PRC1: variants seen among roughly 807,000 people sequenced by gnomAD.
PRC1 encodes the protein anaphase spindle elongation 1 homolog.
PRC1 carries 54 observed loss-of-function variants against 91.2 expected under a neutral mutation model. That is an observed-to-expected ratio of 0.59 (90% CI 0.48 to 0.74). PRC1 has a LOEUF of 0.74. Ranked by LOEUF, PRC1 falls within the 30% of genes least tolerant of loss-of-function variation. PRC1 has a pLI of 0.00. For synonymous variants in PRC1, 275 were observed against 263.6 expected, an observed-to-expected ratio of 1.04 and a Z score of -0.42; for missense variants, 727 against 746.2, an observed-to-expected ratio of 0.97 and a Z score of 0.30.
rs771918442 is a variant in PRC1 at position 90,984,813 on chromosome 15, C to T, written c.24G>A (p.Ala8=). The T allele has an allele frequency of 1.6e-5, 26 of 1,614,020 alleles. No individual in the cohort carries two copies. Among genetic ancestry groups the T allele is most frequent in the African/African-American group, 8.0e-5 (6 of 74,900 alleles). MRRSEVL[A]EESIVCLQKA... ...TCTGCAGACATACTATGGACTCCTCCGCCAGCACCTCACTGAAAACCAAAA... is the reference window on the plus strand; with the variant it reads ...TCTGCAGACATACTATGGACTCCTCTGCCAGCACCTCACTGAAAACCAAAA... The change falls in exon 2 of 15, where the codon GCG becomes GCA. Residue 8 remains alanine, a synonymous_variant. Transcript: ENST00000394249. This position sits in a 1 kb window ranked among gnomAD's most constrained non-coding sequence, Gnocchi z 5.1.
intron 11 of PRC1, chr15:90,973,074 C>G (rs1372530126): frequency 6.6e-6 from 1 of 152,236 alleles, no homozygotes; most frequent in African/African-American, 2.4e-5. Flanking sequence ...ACAGAAAAAC[C>G]CTTTCCCATC....
chr15:90,993,507 A>G (rs1442537094), intron 1 of PRC1, among the ~76,000 whole-genome samples: 3 of 152,198 alleles, frequency 2.0e-5, no homozygotes, highest in Non-Finnish European at 4.4e-5. Context: ...GCCTTAGAAC[A>G]ATCAGTTCCA....
chr15:90,970,805 C>T (rs4517768), intron 11 of PRC1, among the ~76,000 whole-genome samples: 17,412 of 152,182 alleles, frequency 0.11, 1,604 homozygotes, highest in East Asian at 0.47. Context: ...TCTACCCAAA[C>T]GAAATGAAAG....
intron 1 of PRC1, among the ~76,000 whole-genome samples, chr15:90,992,356 T>A (rs1203853022): frequency 6.6e-6 from 1 of 152,240 alleles, no homozygotes; most frequent in Non-Finnish European, 1.5e-5. Flanking sequence ...TCCCCAACAC[T>A]TGCAATGGTT....
In PRC1 at chr15:90,984,268, G is replaced by A. The variant is rs2039422541; in HGVS notation, c.145-128C>T. On this transcript the variant is annotated intron_variant, in intron 2 of 14. Coordinates refer to ENST00000394249, the MANE Select transcript of PRC1 (RefSeq NM_003981.4). The surrounding 1 kb of genome is among the most constrained non-coding windows in gnomAD (Gnocchi z 5.1). The stretch of plus-strand genomic sequence containing the variant: ...CTTTGAGATGGAGTCTCGCTCTGTT[G>A]CCCAGGCTGGAGTGCAATGGCGTGC... 5.3e-6 allele frequency: 7 copies of A among 1,309,352 alleles called. No individual in the cohort carries two copies. Among genetic ancestry groups the A allele is most frequent in the Non-Finnish European group, 7.3e-6 (7 of 958,942 alleles). The allele number at this position is 1,309,352 out of a possible 1,614,324, so 81.1% of individuals were successfully genotyped here. A position where few individuals can be genotyped will look rare whatever the true frequency, so the allele number is the denominator to read the frequency against.
intron 14 of PRC1, chr15:90,968,489 C>A: frequency 1.0e-6 from 1 of 985,650 alleles, no homozygotes; most frequent in Admixed American, 6.1e-5. Context: ...AAGTAAAAGG[C>A]AGTGTAGTTA....
rs897674061 is a variant in PRC1, at chr15:90,968,732, C to T, written c.1791+347G>A. 8 of 1,136,240 alleles carry T rather than the reference C, an allele frequency of 7.0e-6. No homozygotes were observed. In the African/African-American group the frequency reaches 1.3e-4, roughly 18 times the overall value. 70.4% of individuals were successfully genotyped at this position (1,136,240 alleles called of 1,614,324 possible). ...GCCAAGAGCCTCATTGTAGGCAGCACACAGCTGGGGCTCCCTTCCCCATGT... is the reference window on the plus strand; with the variant it reads ...GCCAAGAGCCTCATTGTAGGCAGCATACAGCTGGGGCTCCCTTCCCCATGT... On this transcript the variant is annotated intron_variant, in intron 14 of 14. Coordinates refer to ENST00000394249, the MANE Select transcript of PRC1 (RefSeq NM_003981.4).
intron 1 of PRC1, chr15:90,988,073 G>GA (rs1344797534): frequency 2.6e-5 from 4 of 151,596 alleles, no homozygotes. Flanking sequence ...GAACTTAAAG[G>GA]AAAAAAAGAG....
In PRC1 at chr15:90,974,421, G is replaced by A. The variant is rs571417177; in HGVS notation, c.1350+164C>T. ...CCCGGCTCCCCGTTCCACAAGCCCC[G>A]GTCCCCGGCTCCCCGTTCCACAAGC... On this transcript the variant is annotated intron_variant, in intron 10 of 14. Coordinates refer to ENST00000394249, the MANE Select transcript of PRC1 (RefSeq NM_003981.4). This position sits in a 1 kb window ranked among gnomAD's most constrained non-coding sequence, Gnocchi z 4.6. Among the ~76,000 whole-genome samples, 13 of 151,734 alleles carry A rather than the reference G, an allele frequency of 8.6e-5. No homozygotes were observed. The highest frequency in any genetic ancestry group is 3.4e-3 in the Middle Eastern group (1 of 292).
intron 6 of PRC1, chr15:90,980,667 A>G: frequency 1.4e-6 from 1 of 699,626 alleles, no homozygotes; most frequent in Non-Finnish European, 2.3e-6. Flanking sequence ...TTACAGGCGC[A>G]CGCCACTACC....
At chr15:90,969,747 T>C in intron 12 of PRC1, 124 bp from the exon 13 acceptor site, 1 of 346,140 alleles carries the variant, frequency 2.9e-6, no homozygotes, top group Non-Finnish European at 4.9e-6. Flanking sequence ...CCTATACTTT[T>C]TAGTTAAAAA....
At chr15:90,985,794 A>T (rs1014887280) in intron 1 of PRC1, 25 of 152,016 alleles carry the variant, frequency 1.6e-4, no homozygotes, top group African/African-American at 6.0e-4. Context: ...GATTACAGGC[A>T]TGAGCCACTG....
At chr15:90,968,581 C>A in intron 14 of PRC1, 2 of 991,252 alleles carry the variant, frequency 2.0e-6, no homozygotes, top group Non-Finnish European at 2.4e-6. Flanking sequence ...ATCTATGCTT[C>A]AGTAGCTCAA....
chr15:90,977,733 G>T (rs933956494), intron 8 of PRC1, among the ~76,000 whole-genome samples: 6 of 151,842 alleles, frequency 4.0e-5, no homozygotes, highest in African/African-American at 1.5e-4. Context: ...ACAAGTGCCC[G>T]CCACCATGCC....
intron 1 of PRC1, among the ~76,000 whole-genome samples, chr15:90,992,579 G>A (rs75569161): frequency 0.028 from 4,320 of 152,144 alleles, 203 homozygotes; most frequent in African/African-American, 0.098. Flanking sequence ...AATGAATAAC[G>A]TGACATTTCA....
At chr15:90,970,285 C>T (rs1347687280) in intron 12 of PRC1, 119 bp downstream of exon 12, 2 of 747,600 alleles carry the variant, frequency 2.7e-6, no homozygotes, top group East Asian at 2.5e-5. Flanking sequence ...TGTCAACTCT[C>T]AGCATCTCAA....
At chr15:90,982,103 A>G in intron 3 of PRC1, 122 bp from the exon 4 acceptor site, 2 of 897,218 alleles carry the variant, frequency 2.2e-6, no homozygotes, top group South Asian at 3.2e-5. Flanking sequence ...AAGTCAACTC[A>G]TGGTCAACAG....
At position 90,966,941 on chromosome 15, in the gene PRC1, C is replaced by T. The variant is rs2037545069; in HGVS notation, c.*190G>A. On this transcript the variant is annotated 3_prime_UTR_variant, in exon 15 of 15. Coordinates refer to ENST00000394249, the MANE Select transcript of PRC1 (RefSeq NM_003981.4). ...TGTATATAAGTCAAAACCAAGTCTC[C>T]TAGGACCACTAAACCTATGATGGGC... 1.6e-6 allele frequency: 1 copy of T among 609,644 alleles called. No individual in the cohort carries two copies. The highest frequency in any genetic ancestry group is 2.8e-5 in the East Asian group (1 of 35,992). The allele number at this position is 609,644 out of a possible 1,614,324, so 37.8% of individuals were successfully genotyped here. A position where few individuals can be genotyped will look rare whatever the true frequency, so the allele number is the denominator to read the frequency against.
At chr15:90,991,608 GAACTT>G (rs1329334594) in intron 1 of PRC1, among the ~76,000 whole-genome samples, 1 of 151,824 alleles carries the variant, frequency 6.6e-6, no homozygotes, top group African/African-American at 2.4e-5. Flanking sequence ...AAATTGTACT[GAACTT>G]AATTTTTTTT....
Sources: gnomAD v4.1 joint callset for allele counts (sites outside exome capture counted in the v4.1 genomes callset) on GRCh38, gnomAD v4.1.1 for gene constraint, Gnocchi (gnomAD v3.1) non-coding constraint, MANE v1.5 for transcripts, NCBI Gene and HGNC (gene_info 2026-07-23, HGNC 2026-07-21) for gene names.